The following PAPPA2 variants were observed in gnomAD, a reference collection of about 807,000 sequenced individuals.
PAPPA2 encodes pappalysin-2.
Under a neutral mutation model 176.4 loss-of-function variants are expected in PAPPA2, and 86 were observed. That is an observed-to-expected ratio of 0.49 (90% CI 0.41 to 0.58). PAPPA2 has a LOEUF of 0.58. Ranked by LOEUF, PAPPA2 falls within the 20% of genes least tolerant of loss-of-function variation. The probability of loss-of-function intolerance (pLI) is 0.00; values close to 1 mark genes in which losing one functional copy is unlikely to be tolerated. For synonymous variants in PAPPA2, 809 were observed against 852.2 expected (o/e 0.95, Z 0.88); for missense variants, 2,073 against 2,256.9 (o/e 0.92, Z 1.65).
intron 1 of PAPPA2, among the ~76,000 whole-genome samples, chr1:176,468,738 T>G (rs1651741670): frequency 6.6e-6 from 1 of 152,174 alleles, no homozygotes; most frequent in Non-Finnish European, 1.5e-5. Context: ...GGTACCTATC[T>G]CCTTTCCCCC....
chr1:176,595,492 G>A lies in PAPPA2; in HGVS notation c.1888G>A (p.Val630Met), dbSNP rs370986927. The change falls in exon 3 of 23, where the codon GTG becomes ATG. Residue 630 changes from valine to methionine, a missense_variant. Coordinates refer to ENST00000367662, the MANE Select transcript of PAPPA2 (RefSeq NM_020318.3). ...GAACCGCAGGGATGGGCTCTGTCAC[G>A]TGGAGTGTAACAACATGCTGAACGA... ...SWNRRDGLCH[V>M]ECNNMLNDFD... The A allele has an allele frequency of 1.6e-5, 26 of 1,614,118 alleles. No individual in the cohort carries two copies. Among genetic ancestry groups the A allele is most frequent in the African/African-American group, 1.2e-4 (9 of 74,942 alleles).
chr1:176,691,369 G>T (rs1159564724), intron 5 of PAPPA2, among the ~76,000 whole-genome samples: 1 of 152,218 alleles, frequency 6.6e-6, no homozygotes, highest in African/African-American at 2.4e-5. Context: ...TTCAAGATGT[G>T]TCTATCTGAG....
intron 2 of PAPPA2, among the ~76,000 whole-genome samples, chr1:176,589,701 A>T (rs554605692): frequency 6.6e-6 from 1 of 152,340 alleles, no homozygotes; most frequent in African/African-American, 2.4e-5. Context: ...CTTTCCAAGA[A>T]TGTGGCTTTG....
chr1:176,482,509 CG>C (rs1258217536), intron 1 of PAPPA2, among the ~76,000 whole-genome samples: 1 of 152,106 alleles, frequency 6.6e-6, no homozygotes, highest in Non-Finnish European at 1.5e-5. Flanking sequence ...TAAATTCCAA[CG>C]GGCATGAACA....
intron 3 of PAPPA2, among the ~76,000 whole-genome samples, chr1:176,599,273 G>A (rs1168490033): frequency 6.6e-6 from 1 of 151,552 alleles, no homozygotes; most frequent in East Asian, 1.9e-4. Context: ...GTTACACTAG[G>A]GATTTGTAAG....
chr1:176,580,256 A>C (rs1652885424), intron 2 of PAPPA2, among the ~76,000 whole-genome samples: 1 of 152,188 alleles, frequency 6.6e-6, no homozygotes, highest in African/African-American at 2.4e-5. Flanking sequence ...TGAGAACATG[A>C]AATGTTTAAC....
At chr1:176,672,527 G>A (rs1342708276) in intron 4 of PAPPA2, among the ~76,000 whole-genome samples, 1 of 151,908 alleles carries the variant, frequency 6.6e-6, no homozygotes, top group Non-Finnish European at 1.5e-5. Context: ...GATAACCAGT[G>A]TTGTAGATTG....
intron 3 of PAPPA2, among the ~76,000 whole-genome samples, chr1:176,615,653 T>C (rs1655165539): frequency 1.3e-5 from 2 of 152,038 alleles, no homozygotes; most frequent in South Asian, 4.1e-4. Flanking sequence ...AAGCACAAAG[T>C]GAGATTTATA....
At chr1:176,818,410 T>G (rs1666497145) in intron 21 of PAPPA2, among the ~76,000 whole-genome samples, 1 of 152,130 alleles carries the variant, frequency 6.6e-6, no homozygotes, top group African/African-American at 2.4e-5. Flanking sequence ...TATGCAATGG[T>G]TTCTTGTTTC....
In PAPPA2 at chr1:176,769,742, A is replaced by C. The variant is rs368453104; in HGVS notation, c.4459A>C (p.Lys1487Gln). The C allele has an allele frequency of 1.2e-6, 2 of 1,612,932 alleles. No homozygotes were observed. Among genetic ancestry groups the C allele is most frequent in the South Asian group, 1.1e-5 (1 of 90,768 alleles). Residue 1487 changes from lysine (K) to glutamine (Q), a missense_variant, in exon 16 of 23, where the codon AAA becomes CAA. By Grantham distance (53) the Lys-to-Gln change is moderately conservative (BLOSUM62 1). Around this residue, in one of 4 missense-constraint regions of PAPPA2, gnomAD observed 846 missense variants for 857.9 expected, o/e 0.99. Transcript: ENST00000367662. ...CTGCTCAGAGGGAACCAAATTTCTGAAACGCTGCTCAATCTCTTGTGTCCC... is the reference window on the plus strand; with the variant it reads ...CTGCTCAGAGGGAACCAAATTTCTGCAACGCTGCTCAATCTCTTGTGTCCC... ...FSCSEGTKFL[K>Q]RCSISCVPPA...
In PAPPA2 at chr1:176,789,951, C is replaced by T. The variant is rs1665104329; in HGVS notation, c.4858C>T (p.Leu1620Phe). 6.2e-7 allele frequency: 1 copy of T among 1,613,976 alleles called. No homozygotes were observed. Among genetic ancestry groups the T allele is most frequent in the Admixed American group, 1.7e-5 (1 of 59,998 alleles). The change falls in exon 18 of 23, where the codon CTC becomes TTC. Residue 1620 changes from leucine to phenylalanine, a missense_variant. Leu to Phe is a conservative substitution (Grantham distance 22, BLOSUM62 0). This residue lies in a region of PAPPA2 where 846 missense variants were observed against 857.9 expected (regional missense o/e 0.99). Coordinates refer to ENST00000367662, the MANE Select transcript of PAPPA2 (RefSeq NM_020318.3). Reference protein sequence around the residue: ...NGFSLDSQCVLNCNQEREKLP... With the variant: ...NGFSLDSQCVFNCNQEREKLP... ...CTTCAGCCTGGACAGCCAGTGTGTG[C>T]TCAACTGTAACCAGGAACGTGAAAA...
chr1:176,736,392 T>C (rs1425256331), intron 12 of PAPPA2, among the ~76,000 whole-genome samples: 1 of 151,180 alleles, frequency 6.6e-6, no homozygotes, highest in East Asian at 1.9e-4. Flanking sequence ...GTATAAAATG[T>C]ATTCTCTCTC....
intron 1 of PAPPA2, among the ~76,000 whole-genome samples, chr1:176,473,856 CT>C (rs1651997459): frequency 6.6e-6 from 1 of 152,140 alleles, no homozygotes. Context: ...CTGTTCCAGT[CT>C]TTTGCCCATT....
chr1:176,522,227 G>A (rs1463357668), intron 1 of PAPPA2, among the ~76,000 whole-genome samples: 1 of 152,158 alleles, frequency 6.6e-6, no homozygotes, highest in Non-Finnish European at 1.5e-5. Context: ...AAATTTGAGG[G>A]TATAAGAAGA....
intron 15 of PAPPA2, among the ~76,000 whole-genome samples, chr1:176,768,709 G>A (rs1414191148): frequency 6.6e-6 from 1 of 152,090 alleles, no homozygotes; most frequent in African/African-American, 2.4e-5. Flanking sequence ...GCCCTCTTAG[G>A]TGCTCGATAA....
At chr1:176,643,095 TA>T in intron 3 of PAPPA2, among the ~76,000 whole-genome samples, 1 of 152,054 alleles carries the variant, frequency 6.6e-6, no homozygotes, top group South Asian at 2.1e-4. Context: ...ACCCATCTTA[TA>T]AGTAGGCATA....
chr1:176,700,652 A>G (rs1034669447), intron 8 of PAPPA2, among the ~76,000 whole-genome samples: 23 of 152,312 alleles, frequency 1.5e-4, no homozygotes, highest in African/African-American at 4.8e-4. Context: ...CCAAATGCTT[A>G]CACTTTTCAA....
At position 176,823,442 on chromosome 1, in the gene PAPPA2, T is replaced by C. The variant is rs377168502; in HGVS notation, c.5203-16731T>C. 5.9e-5 allele frequency among the ~76,000 whole-genome samples: 9 copies of C among 152,234 alleles called. No homozygotes were observed. The East Asian group carries it at 7.7e-4, about 13-fold the overall frequency. ...ATGCCAATCTAAGCAATTTGGGCTT[T>C]ATTCTGCAGCCAGTGTTGATCCAAT... On this transcript the variant is annotated intron_variant, in intron 21 of 22. Transcript: ENST00000367662.
intron 3 of PAPPA2, among the ~76,000 whole-genome samples, chr1:176,602,416 G>A (rs559198954): frequency 2.0e-5 from 3 of 152,252 alleles, no homozygotes; most frequent in African/African-American, 4.8e-5. Flanking sequence ...GAAGGTAGAG[G>A]CACATGGCAT....
Sources: allele counts gnomAD v4.1 joint callset (sites outside exome capture counted in the v4.1 genomes callset), GRCh38; gene constraint gnomAD v4.1.1; regional missense constraint gnomAD v4.1.1; transcripts MANE v1.5; gene names NCBI Gene and HGNC (gene_info 2026-07-23, HGNC 2026-07-21).